Variants in CTNNA3 observed in about 807,000 individuals in gnomAD.
The protein encoded by CTNNA3 is catenin alpha-3.
CTNNA3 carries 76 observed loss-of-function variants against 95.7 expected under a neutral mutation model. The observed-to-expected ratio is 0.79, with a 90% CI of 0.66 to 0.96. The LOEUF (loss-of-function observed/expected upper bound fraction) is 0.96, where lower values mean the gene tolerates loss of function less well. Among genes scored for constraint, CTNNA3 ranks in the 40% least tolerant of loss-of-function variants. The pLI is 0.00. For missense variants in CTNNA3, 1,191 were observed against 1,089.8 expected, an observed-to-expected ratio of 1.09 and a Z score of -1.31; for synonymous variants, 431 against 374.4, an observed-to-expected ratio of 1.15 and a Z score of -1.74.
intron 5 of CTNNA3, among the ~76,000 whole-genome samples, chr10:67,272,926 A>G (rs2132422452): frequency 6.6e-6 from 1 of 152,224 alleles, no homozygotes; most frequent in Non-Finnish European, 1.5e-5. Context: ...TCTGTCACTC[A>G]TCAAAATCTA....
chr10:66,988,227 C>A (rs2132919445), intron 7 of CTNNA3, among the ~76,000 whole-genome samples: 1 of 152,010 alleles, frequency 6.6e-6, no homozygotes, highest in Admixed American at 6.6e-5. Context: ...AAAATGATCC[C>A]CAAAATAATA....
chr10:67,020,954 A>C (rs1394584826), intron 7 of CTNNA3, among the ~76,000 whole-genome samples: 3 of 152,208 alleles, frequency 2.0e-5, no homozygotes, highest in Non-Finnish European at 2.9e-5. Flanking sequence ...GTGTGAGAAA[A>C]GGCTAGAAGG....
At chr10:66,833,893 T>C (rs368653427) in intron 7 of CTNNA3, among the ~76,000 whole-genome samples, 22 of 152,190 alleles carry the variant, frequency 1.4e-4, no homozygotes, top group African/African-American at 5.3e-4. Flanking sequence ...TATTTTTCTA[T>C]TTTGAATACC....
chr10:67,727,519 A>G (rs997656982), intron 1 of CTNNA3, among the ~76,000 whole-genome samples: 1 of 132,718 alleles, frequency 7.5e-6, no homozygotes, highest in African/African-American at 2.7e-5. Context: ...ATAACATATC[A>G]TATATTATGT....
At chr10:67,161,322 T>C (rs940379455) in intron 7 of CTNNA3, among the ~76,000 whole-genome samples, 1 of 151,856 alleles carries the variant, frequency 6.6e-6, no homozygotes, top group African/African-American at 2.4e-5. Flanking sequence ...TGTTTGATAG[T>C]TGAAGCAAAA....
At chr10:67,001,853 T>C (rs950528576) in intron 7 of CTNNA3, among the ~76,000 whole-genome samples, 2 of 152,224 alleles carry the variant, frequency 1.3e-5, no homozygotes, top group Non-Finnish European at 1.5e-5. Flanking sequence ...TCTTTCTGTT[T>C]AGCCTTGTCA....
chr10:66,877,268 C>G (rs1844662574), intron 7 of CTNNA3, among the ~76,000 whole-genome samples: 1 of 152,118 alleles, frequency 6.6e-6, no homozygotes, highest in Non-Finnish European at 1.5e-5. Flanking sequence ...AGCCCCAAAA[C>G]GTAATGCCAA....
At chr10:66,000,901 T>C (rs2078757634) in intron 15 of CTNNA3, among the ~76,000 whole-genome samples, 1 of 152,014 alleles carries the variant, frequency 6.6e-6, no homozygotes, top group Non-Finnish European at 1.5e-5. Context: ...GGCTACAGAG[T>C]CCACTTTTAA....
At chr10:67,591,737 C>T (rs1198349180) in intron 3 of CTNNA3, among the ~76,000 whole-genome samples, 1 of 151,808 alleles carries the variant, frequency 6.6e-6, no homozygotes, top group African/African-American at 2.4e-5. Context: ...TTTGAAAAGA[C>T]ATGTAAGAGA....
chr10:67,429,943 A>C (rs1846054615), intron 5 of CTNNA3, among the ~76,000 whole-genome samples: 1 of 151,968 alleles, frequency 6.6e-6, no homozygotes, highest in Non-Finnish European at 1.5e-5. Context: ...ACTCGACACA[A>C]ACCAAAGAAT....
In CTNNA3 at chr10:67,375,451, C is replaced by CA. The variant is rs548299987; in HGVS notation, c.579+146390dup. On this transcript the variant is annotated intron_variant, in intron 5 of 17. Coordinates refer to ENST00000433211, the MANE Select transcript of CTNNA3 (RefSeq NM_013266.4). ...CGAAACCCTGTCTCTGCTAAAAATA[C>CA]AAAAAAATTAGCCTAGCTGGGCGTG... 1.7e-3 allele frequency among the ~76,000 whole-genome samples: 256 copies of CA among 151,998 alleles called. 2 individuals carry two copies. The highest frequency in any genetic ancestry group is 5.7e-3 in the African/African-American group (238 of 41,466).
At chr10:65,944,548 G>A (rs780997786) in intron 17 of CTNNA3, among the ~76,000 whole-genome samples, 3 of 152,188 alleles carry the variant, frequency 2.0e-5, no homozygotes, top group African/African-American at 7.2e-5. Context: ...AAGGGGGAAG[G>A]CAAAGTGGAG....
intron 2 of CTNNA3, among the ~76,000 whole-genome samples, chr10:67,645,134 T>G (rs911389962): frequency 6.6e-6 from 1 of 152,118 alleles, no homozygotes; most frequent in Non-Finnish European, 1.5e-5. Context: ...GTGAACTCAA[T>G]AAATGTTTAT....
At chr10:67,387,047 G>C (rs1051803406) in intron 5 of CTNNA3, among the ~76,000 whole-genome samples, 8 of 152,178 alleles carry the variant, frequency 5.3e-5, no homozygotes, top group African/African-American at 1.4e-4. Context: ...CGTTAGTTGA[G>C]GGAGGACCCA....
chr10:66,331,782 C>T (rs559771198), intron 12 of CTNNA3, among the ~76,000 whole-genome samples: 9 of 151,920 alleles, frequency 5.9e-5, no homozygotes, highest in Admixed American at 4.6e-4. Flanking sequence ...CTTGGCAATG[C>T]GGGCTCTTTT....
At chr10:66,720,022 C>T (rs1848575435) in intron 9 of CTNNA3, among the ~76,000 whole-genome samples, 1 of 151,500 alleles carries the variant, frequency 6.6e-6, no homozygotes, top group South Asian at 2.1e-4. Context: ...TCCTAACTTA[C>T]ATGTATGAAT....
intron 13 of CTNNA3, among the ~76,000 whole-genome samples, chr10:66,271,142 A>G (rs1353643801): frequency 6.6e-6 from 1 of 152,260 alleles, no homozygotes; most frequent in East Asian, 1.9e-4. Flanking sequence ...AAGTGCCTCT[A>G]TTCACTTAGA....
intron 12 of CTNNA3, among the ~76,000 whole-genome samples, chr10:66,355,472 G>T (rs2092601703): frequency 6.6e-6 from 1 of 152,000 alleles, no homozygotes; most frequent in African/African-American, 2.4e-5. Context: ...TAACCCTTGA[G>T]AACAATATGT....
At chr10:66,943,798 T>C (rs1436475250) in intron 7 of CTNNA3, among the ~76,000 whole-genome samples, 2 of 152,206 alleles carry the variant, frequency 1.3e-5, no homozygotes, top group African/African-American at 4.8e-5. Context: ...TTTGGTTTCC[T>C]AGTGAATATA....
Sources: allele counts gnomAD v4.1 joint callset (sites outside exome capture counted in the v4.1 genomes callset), GRCh38; gene constraint gnomAD v4.1.1; transcripts MANE v1.5; gene names NCBI Gene and HGNC (gene_info 2026-07-23, HGNC 2026-07-21).